The following RGS7 variants were observed in gnomAD, a reference collection of about 807,000 sequenced individuals.
The protein encoded by RGS7 is regulator of G-protein signaling 7.
A neutral mutation model predicts 81.1 loss-of-function variants in RGS7; 27 were observed. That is an observed-to-expected ratio of 0.33 (90% CI 0.25 to 0.46). RGS7 has a LOEUF of 0.46. RGS7 is among the 20% of genes least tolerant of loss of function. RGS7 has a pLI of 1.00. For synonymous variants in RGS7, 208 were observed against 207.7 expected (o/e 1.00, Z -0.01); for missense variants, 396 against 607.4 (o/e 0.65, Z 3.66).
At chr1:241,037,264 C>G (rs978761582) in intron 3 of RGS7, among the ~76,000 whole-genome samples, 16 of 152,276 alleles carry the variant, frequency 1.1e-4, no homozygotes, top group African/African-American at 3.9e-4. Context: ...AGTCTATCAT[C>G]TGCAATACAT....
At chr1:240,859,440 G>GTTTTTTTTTTTTTTT (rs5782167) in intron 9 of RGS7, among the ~76,000 whole-genome samples, 12 of 110,822 alleles carry the variant, frequency 1.1e-4, no homozygotes, top group African/African-American at 1.4e-4. Context: ...TTTCTTTCCT[G>GTTTTTTTTTTTTTTT]TTTTTTTTTT....
chr1:241,288,102 G>A (rs1388952657), intron 2 of RGS7, among the ~76,000 whole-genome samples: 1 of 152,172 alleles, frequency 6.6e-6, no homozygotes, highest in East Asian at 1.9e-4. Context: ...ATTTGATGTA[G>A]AACCTTACGA....
intron 4 of RGS7, among the ~76,000 whole-genome samples, chr1:240,937,610 A>G (rs1676864719): frequency 6.6e-6 from 1 of 152,186 alleles, no homozygotes; most frequent in Non-Finnish European, 1.5e-5. Flanking sequence ...CCCATGTGAT[A>G]ATGTTCTCTC....
intron 9 of RGS7, among the ~76,000 whole-genome samples, chr1:240,844,764 T>C (rs1441263293): frequency 6.6e-6 from 1 of 152,222 alleles, no homozygotes; most frequent in Non-Finnish European, 1.5e-5. Flanking sequence ...GAAATGCTGT[T>C]CCATTTTCAG....
chr1:240,996,336 A>G (rs1402280921), intron 3 of RGS7, among the ~76,000 whole-genome samples: 3 of 152,140 alleles, frequency 2.0e-5, no homozygotes, highest in Non-Finnish European at 2.9e-5. Context: ...CAGGTCATCT[A>G]CATCCTTACT....
chr1:241,220,511 C>A (rs2074830053), intron 2 of RGS7, among the ~76,000 whole-genome samples: 1 of 152,026 alleles, frequency 6.6e-6, no homozygotes, highest in Non-Finnish European at 1.5e-5. Flanking sequence ...TTTTTCCTTC[C>A]TGTCACCCTT....
chr1:240,894,414 C>T (rs566452852), intron 6 of RGS7, among the ~76,000 whole-genome samples: 3 of 152,010 alleles, frequency 2.0e-5, no homozygotes, highest in Non-Finnish European at 4.4e-5. Flanking sequence ...ACTGAAACCC[C>T]TCTCATGTGT....
At chr1:240,830,122 A>G (rs901572522) in intron 9 of RGS7, among the ~76,000 whole-genome samples, 2 of 152,238 alleles carry the variant, frequency 1.3e-5, no homozygotes, top group Non-Finnish European at 2.9e-5. Context: ...CCGAGCCAAC[A>G]TGAATTTTAT....
chr1:240,925,897 G>T (rs949411787), intron 6 of RGS7, among the ~76,000 whole-genome samples: 1 of 152,080 alleles, frequency 6.6e-6, no homozygotes, highest in Admixed American at 6.5e-5. Flanking sequence ...GCATTTTCTT[G>T]TATGTTTGCT....
chr1:241,114,911 G>A (rs980414025), intron 2 of RGS7, among the ~76,000 whole-genome samples: 27 of 152,234 alleles, frequency 1.8e-4, no homozygotes, highest in African/African-American at 5.5e-4. Flanking sequence ...TTCCCTCTAC[G>A]CTGCTGATCT....
chr1:241,324,747 T>C (rs2081399181), intron 2 of RGS7, among the ~76,000 whole-genome samples: 1 of 152,212 alleles, frequency 6.6e-6, no homozygotes, highest in South Asian at 2.1e-4. Flanking sequence ...TCTCTGGCTT[T>C]TTTCCTTGCC....
chr1:240,938,003 G>A (rs957758767), intron 4 of RGS7, among the ~76,000 whole-genome samples: 2 of 152,180 alleles, frequency 1.3e-5, no homozygotes, highest in Admixed American at 6.5e-5. Flanking sequence ...AGTTATTACT[G>A]CGTTTGTGCA....
At chr1:241,011,147 G>C (rs529863520) in intron 3 of RGS7, among the ~76,000 whole-genome samples, 1 of 152,292 alleles carries the variant, frequency 6.6e-6, no homozygotes, top group African/African-American at 2.4e-5. Context: ...TCTGGGTTAG[G>C]ATAAGAAATA....
intron 4 of RGS7, among the ~76,000 whole-genome samples, chr1:240,953,677 C>T (rs903600297): frequency 2.0e-5 from 3 of 151,824 alleles, no homozygotes; most frequent in African/African-American, 7.2e-5. Context: ...AGATTATACG[C>T]TAGCAATATT....
intron 2 of RGS7, among the ~76,000 whole-genome samples, chr1:241,238,580 G>A (rs916867083): frequency 6.6e-6 from 1 of 151,860 alleles, no homozygotes; most frequent in African/African-American, 2.4e-5. Flanking sequence ...GTCACCCAGG[G>A]CTGGAGTGCA....
intron 3 of RGS7, among the ~76,000 whole-genome samples, chr1:241,049,808 T>A (rs925156943): frequency 2.0e-5 from 3 of 152,166 alleles, no homozygotes; most frequent in Non-Finnish European, 2.9e-5. Context: ...GTTTAATGTA[T>A]CTGGTTTGTC....
intron 2 of RGS7, among the ~76,000 whole-genome samples, chr1:241,152,901 T>TA (rs2068855912): frequency 1.3e-5 from 2 of 152,222 alleles, no homozygotes; most frequent in African/African-American, 4.8e-5. Context: ...GGTTATTTGT[T>TA]ACTACCTGTT....
Position 241,029,251 on chromosome 1 carries a change from T to C in RGS7, c.176-46122A>G, listed in dbSNP as rs1452137530. ...GGAGGGAAGTAGCCATCTAGCAAAA[T>C]ACATTACACCCACTTTCTTTTAGCT... On this transcript the variant is annotated intron_variant, in intron 3 of 18. Transcript: ENST00000440928. Among the ~76,000 whole-genome samples the C allele has an allele frequency of 2.6e-5, 4 of 152,094 alleles. No individual in the cohort carries two copies. The East Asian group carries it at 7.7e-4, about 29-fold the overall frequency.
At position 241,262,738 on chromosome 1, in the gene RGS7, C is replaced by T. The variant is rs969160551; in HGVS notation, c.78+92961G>A. ...CACTTCTTCAAAAGAGTCATGGTTA[C>T]GGGTAGTCTCTGCTTTTGGTGTTTC... On this transcript the variant is annotated intron_variant, in intron 2 of 18. Transcript: ENST00000440928. Among the ~76,000 whole-genome samples the T allele has an allele frequency of 5.3e-5, 8 of 152,264 alleles. No individual in the cohort carries two copies. In the East Asian group the frequency reaches 5.8e-4, roughly 11 times the overall value.
Sources: gnomAD v4.1 joint callset for allele counts (sites outside exome capture counted in the v4.1 genomes callset) on GRCh38, gnomAD v4.1.1 for gene constraint, MANE v1.5 for transcripts, NCBI Gene and HGNC (gene_info 2026-07-23, HGNC 2026-07-21) for gene names.